CYBC1: variants seen among roughly 807,000 people sequenced by gnomAD.
CYBC1 encodes cytochrome b-245 chaperone 1.
A neutral mutation model predicts 21.7 loss-of-function variants in CYBC1; 22 were observed. That is an observed-to-expected ratio of 1.02 (90% confidence interval 0.73 to 1.45). The LOEUF is 1.45. Ranked by LOEUF, CYBC1 falls within the 40% of genes most tolerant of loss-of-function variation. The pLI is 0.00. For missense variants in CYBC1, 237 were observed against 242.1 expected, an observed-to-expected ratio of 0.98 and a Z score of 0.14; for synonymous variants, 112 against 98.7, an observed-to-expected ratio of 1.13 and a Z score of -0.80.
chr17:82,444,571 C>T lies in CYBC1; in HGVS notation c.319G>A (p.Val107Ile), dbSNP rs1020570929. ...TCCTCCTCCACGCTCACATCACGGA[C>T]ATCATGGAGCAGGACCACCACTGCG... ...HDQVVVLLHD[V>I]RDVSVEEEKV... The change falls in exon 6 of 7, where the codon GTC becomes ATC. Residue 107 changes from valine (V) to isoleucine (I), a missense_variant. Physicochemically the swap from Val to Ile is conservative, Grantham distance 29 (BLOSUM62 3). Transcript: ENST00000306645. The T allele has an allele frequency of 3.6e-5, 58 of 1,611,880 alleles. No individual in the cohort carries two copies. Among genetic ancestry groups the T allele is most frequent in the Non-Finnish European group, 4.9e-5 (58 of 1,178,342 alleles).
At chr17:82,445,127 C>G (rs899392847) in intron 5 of CYBC1, 4 of 154,462 alleles carry the variant, frequency 2.6e-5, no homozygotes, top group Non-Finnish European at 5.7e-5. Flanking sequence ...CAGGAAGCAG[C>G]CTGTCAGAAG....
intron 2 of CYBC1, chr17:82,447,945 A>G (rs1479983884): frequency 4.0e-6 from 2 of 504,402 alleles, no homozygotes; most frequent in Non-Finnish European, 7.1e-6. Flanking sequence ...AAACAAAAGC[A>G]AAACACAGTA....
rs539346942 is a variant in CYBC1 at position 82,447,566 on chromosome 17, G to A, written c.127+14C>T. 54 of 1,562,578 alleles carry A rather than the reference G, an allele frequency of 3.5e-5. No individual in the cohort carries two copies. The highest frequency in any genetic ancestry group is 1.5e-4 in the South Asian group (13 of 86,862). On this transcript the variant is annotated intron_variant, in intron 3 of 6. Coordinates refer to ENST00000306645, the MANE Select transcript of CYBC1 (RefSeq NM_001033046.4). Reference sequence around the variant, plus strand: ...TGAGACAGTCATGGGGGGGTGGGGCGGGGGGTGCTTTACCTCCGCTGTAGT... The same window carrying A: ...TGAGACAGTCATGGGGGGGTGGGGCAGGGGGTGCTTTACCTCCGCTGTAGT...
chr17:82,444,251 C>T, intron 6 of CYBC1, 127 bp from the exon 7 acceptor site: 1 of 1,463,562 alleles, frequency 6.8e-7, no homozygotes, highest in Non-Finnish European at 9.1e-7. Flanking sequence ...CTGGACCCAG[C>T]ACTTCCTGGC....
chr17:82,444,308 C>T (rs528023880), intron 6 of CYBC1, 139 bp downstream of exon 6: 65 of 1,439,970 alleles, frequency 4.5e-5, no homozygotes, highest in Admixed American at 6.8e-5. Context: ...TGAGCCTGCA[C>T]ACGCTTCCCG....
In CYBC1 at chr17:82,446,664, CT is replaced by C; in HGVS notation, c.159del (p.Gly54AlafsTer27). 6.2e-7 allele frequency: 1 copy of C among 1,614,138 alleles called. No homozygotes were observed. The highest frequency in any genetic ancestry group is 8.5e-7 in the Non-Finnish European group (1 of 1,180,012). On this transcript the variant is annotated frameshift_variant, in exon 4 of 7. Transcript: ENST00000306645. LOFTEE classifies it high-confidence loss of function. ...DSLGWKLFYV[T>X]GCLFVAVQNL... ...TTCTGCACAGCCACAAACAGGCAGC[CT>C]GTGACGTAGAAGAGCTTCCAGCCCA...
intron 5 of CYBC1, 144 bp from the exon 6 acceptor site, chr17:82,444,735 C>T: frequency 9.4e-7 from 1 of 1,058,464 alleles, no homozygotes; most frequent in Non-Finnish European, 1.4e-6. Context: ...TGAGGCTGGG[C>T]CCCGGAGGAC....
In CYBC1 at chr17:82,449,258, G is replaced by A. The variant is rs113748563; in HGVS notation, c.-4C>T. On this transcript the variant is annotated 5_prime_UTR_variant, in exon 2 of 7. Coordinates refer to ENST00000306645, the MANE Select transcript of CYBC1 (RefSeq NM_001033046.4). ...GGGTCTCCACCTGCAGGTACATCCC[G>A]AGAGGGCAGCACCACTCTCTACAGG... 3.2e-6 allele frequency: 5 copies of A among 1,563,170 alleles called. No individual in the cohort carries two copies. The highest frequency in any genetic ancestry group is 4.3e-6 in the Non-Finnish European group (5 of 1,154,932).
At chr17:82,446,539 C>G in intron 4 of CYBC1, 84 bp downstream of exon 4, 53 of 1,341,728 alleles carry the variant, frequency 4.0e-5, no homozygotes, top group Non-Finnish European at 4.8e-5. Flanking sequence ...CACCCAGGGC[C>G]CTTCCTCCTC....
chr17:82,444,052 C>G lies in CYBC1; in HGVS notation c.516G>C (p.Leu172=), dbSNP rs1465167965. 45 of 1,613,520 alleles carry G rather than the reference C, an allele frequency of 2.8e-5. No individual in the cohort carries two copies. Among genetic ancestry groups the G allele is most frequent in the Non-Finnish European group, 3.6e-5 (43 of 1,180,008 alleles). ...CGGCCTCACTGTCGCTGCTCTGAGA[C>G]AGCTCTGTGGGGCTCTCAAGGCAGT... ...ELHCLESPTE[L]SQSSDSEAGD... is the part of the protein sequence containing the mutation. Residue 172 remains leucine (L), a synonymous_variant, in exon 7 of 7, where the codon CTG becomes CTC. Coordinates refer to ENST00000306645, the MANE Select transcript of CYBC1 (RefSeq NM_001033046.4).
chr17:82,448,056 C>T, intron 2 of CYBC1: 1 of 248,246 alleles, frequency 4.0e-6, no homozygotes, highest in South Asian at 4.4e-5. Flanking sequence ...GAAGACTGTG[C>T]ACAAAGAAAT....
intron 6 of CYBC1, 153 bp downstream of exon 6, chr17:82,444,293 GC>G: frequency 7.0e-7 from 1 of 1,419,206 alleles, no homozygotes; most frequent in South Asian, 1.4e-5. Flanking sequence ...CAGTGGGGCT[GC>G]CCCTGAGCCT....
chr17:82,447,916 G>A (rs536942045), intron 2 of CYBC1: 74 of 559,400 alleles, frequency 1.3e-4, no homozygotes, highest in Non-Finnish European at 2.0e-4. Context: ...GCAACATAAC[G>A]AGACCTCATT....
Position 82,444,502 on chromosome 17 carries a change from G to C in CYBC1, c.388C>G (p.Leu130Val), listed in dbSNP as rs777927950. ...AGGGGGTGGGAGAAGCCCGTCGCAAGCCGGAGCACCACCATGTAGCCTTTC... is the reference window on the plus strand; with the variant it reads ...AGGGGGTGGGAGAAGCCCGTCGCAACCCGGAGCACCACCATGTAGCCTTTC... ...FGKGYMVVLR[L>V]ATGFSHPLTQ... The change falls in exon 6 of 7, where the codon CTT becomes GTT. Residue 130 changes from leucine (L) to valine (V), a missense_variant. Transcript: ENST00000306645. The C allele has an allele frequency of 6.8e-5, 109 of 1,614,018 alleles. 1 individual carries two copies. In the South Asian group the frequency reaches 1.2e-3, roughly 17 times the overall value.
At chr17:82,444,860 G>A in intron 5 of CYBC1, 1 of 480,986 alleles carries the variant, frequency 2.1e-6, no homozygotes, top group East Asian at 3.5e-5. Flanking sequence ...CCGACTGCGG[G>A]GACCCGCTCA....
At position 82,442,664 on chromosome 17, in the gene CYBC1, T is replaced by C. The variant is rs1463036466; in HGVS notation, c.*1340A>G. 2 of 1,387,056 alleles carry C rather than the reference T, an allele frequency of 1.4e-6. No homozygotes were observed. The highest frequency in any genetic ancestry group is 2.1e-5 in the Admixed American group (1 of 48,236). The allele number at this position is 1,387,056 out of a possible 1,614,324, so 85.9% of individuals were successfully genotyped here. ...CAGGTGACACGTGAAGGGTTATTTA[T>C]GGTTATGATGACCCTGTCCTGCAAC... On this transcript the variant is annotated 3_prime_UTR_variant, in exon 7 of 7. Coordinates refer to ENST00000306645, the MANE Select transcript of CYBC1 (RefSeq NM_001033046.4). This position sits in a 1 kb window ranked among gnomAD's most constrained non-coding sequence, Gnocchi z 6.8.
chr17:82,444,725 T>C, intron 5 of CYBC1, 134 bp from the exon 6 acceptor site: 4 of 1,201,858 alleles, frequency 3.3e-6, no homozygotes, highest in Non-Finnish European at 4.6e-6. Context: ...GTTTCCTGCC[T>C]GAGGCTGGGC....
At chr17:82,444,742 G>T in intron 5 of CYBC1, 151 bp from the exon 6 acceptor site, 1 of 997,278 alleles carries the variant, frequency 1.0e-6, no homozygotes, top group South Asian at 1.6e-5. Context: ...GGGCCCCGGA[G>T]GACTGCTGTG....
At chr17:82,447,766 TTCA>T in intron 2 of CYBC1, 145 bp from the exon 3 acceptor site, 1 of 737,582 alleles carries the variant, frequency 1.4e-6, no homozygotes, top group Non-Finnish European at 2.4e-6. Flanking sequence ...GACCACCAGG[TTCA>T]GAGTAGGGGA....
Sources: allele counts gnomAD v4.1 joint callset, GRCh38; gene constraint gnomAD v4.1.1; non-coding constraint Gnocchi (gnomAD v3.1); transcripts MANE v1.5; gene names NCBI Gene and HGNC (gene_info 2026-07-23, HGNC 2026-07-21).